The following DOP1A variants were observed in gnomAD, a reference collection of about 807,000 sequenced individuals.
The protein encoded by DOP1A is DOP1 leucine zipper like protein A, also known as protein DOP1A.
DOP1A carries 90 observed loss-of-function variants against 267.6 expected under a neutral mutation model. The ratio of observed to expected loss-of-function variants is 0.34; its 90% CI spans 0.28 to 0.40. The LOEUF is 0.40. Ranked by LOEUF, DOP1A falls within the 10% of genes least tolerant of loss-of-function variation. The pLI, the probability that DOP1A is intolerant of heterozygous loss-of-function variation, is 1.00. For synonymous variants in DOP1A, 932 were observed against 999.1 expected (o/e 0.93, Z 1.27); for missense variants, 2,437 against 2,900.4 (o/e 0.84, Z 3.67).
intron 1 of DOP1A, among the ~76,000 whole-genome samples, chr6:83,069,990 A>G (rs1388555608): frequency 1.3e-5 from 2 of 152,250 alleles, no homozygotes; most frequent in Non-Finnish European, 2.9e-5. Context: ...ACAAATTTTG[A>G]GACAGTTACT....
chr6:83,121,249 ATATT>A (rs924199604), intron 10 of DOP1A, among the ~76,000 whole-genome samples: 9 of 151,818 alleles, frequency 5.9e-5, no homozygotes, highest in Non-Finnish European at 1.3e-4. Context: ...AAAAACATAA[ATATT>A]TACAGCAATA....
rs113539316 is a variant in DOP1A, at chr6:83,067,796, C to G, written c.-147+17C>G. 2.0e-5 allele frequency: 3 copies of G among 152,438 alleles called. No individual in the cohort carries two copies. Among genetic ancestry groups the G allele is most frequent in the East Asian group, 1.9e-4 (1 of 5,168 alleles). The allele number at this position is 152,438 out of a possible 1,614,324, so 9.4% of individuals were successfully genotyped here. ...CAGCAGCAGGTAAAAGCGTCCCTGC[C>G]CCCAGTGCGGCCGCTAGGCTGGTAG... On this transcript the variant is annotated intron_variant, in intron 1 of 38. Coordinates refer to ENST00000349129, the MANE Select transcript of DOP1A (RefSeq NM_015018.4).
Position 83,138,447 on chromosome 6 carries a change from C to T in DOP1A, c.4405C>T (p.Pro1469Ser). 1 of 1,612,434 alleles carries T rather than the reference C, an allele frequency of 6.2e-7. No individual in the cohort carries two copies. The highest frequency in any genetic ancestry group is 8.5e-7 in the Non-Finnish European group (1 of 1,179,842). ...CTTATATTACATGCGTAGCCATTAC[C>T]CAACTCATGTCAAGGTTACTGCACA... ...LCLYYMRSHYPTHVKVTAQDL... is the reference protein window; with the variant it reads ...LCLYYMRSHYSTHVKVTAQDL... The change falls in exon 21 of 39, where the codon CCA (proline) becomes TCA (serine). Residue 1469 changes from proline to serine, a missense_variant. By Grantham distance (74) the Pro-to-Ser change is moderately conservative. This residue lies in a region of DOP1A where 878 missense variants were observed against 992.9 expected (regional missense o/e 0.88). Coordinates refer to ENST00000349129, the MANE Select transcript of DOP1A (RefSeq NM_015018.4).
At chr6:83,108,841 T>C in intron 4 of DOP1A, 69 bp from the exon 5 acceptor site, 2 of 1,388,640 alleles carry the variant, frequency 1.4e-6, no homozygotes, top group Non-Finnish European at 1.9e-6. Flanking sequence ...TTTATACATA[T>C]AATTGCATAT....
chr6:83,090,846 CTTCTT>C (rs1398261339), intron 1 of DOP1A, among the ~76,000 whole-genome samples: 1 of 152,142 alleles, frequency 6.6e-6, no homozygotes, highest in African/African-American at 2.4e-5. Context: ...TATCTTTACA[CTTCTT>C]TTCTGATATA....
chr6:83,115,003 A>G (rs554764536), intron 7 of DOP1A, among the ~76,000 whole-genome samples: 2 of 152,284 alleles, frequency 1.3e-5, no homozygotes, highest in South Asian at 4.1e-4. Flanking sequence ...TATGTCTTAC[A>G]TATAATAGAA....
At position 83,129,144 on chromosome 6, in the gene DOP1A, G is replaced by A. The variant is rs758190544; in HGVS notation, c.1977G>A (p.Gln659=). The change falls in exon 16 of 39, where the codon CAG becomes CAA. Residue 659 remains glutamine, a synonymous_variant. Transcript: ENST00000349129. ...TIIQTPSVVT[Q]GTATRSRKTA... ...TCCAGACCCCTTCCGTAGTCACTCA[G>A]GGGACAGCAACCCGAAGTAGGAAGA... The A allele has an allele frequency of 1.2e-6, 2 of 1,613,450 alleles. No individual in the cohort carries two copies. The highest frequency in any genetic ancestry group is 1.7e-6 in the Non-Finnish European group (2 of 1,179,696).
At position 83,164,874 on chromosome 6, in the gene DOP1A, T is replaced by C. The variant is rs532751872; in HGVS notation, c.7092+1955T>C. ...CTGGTGAAGTCAAAGGAGAAATCATTTGTATGGAAACATTTGACTTTATTT... is the reference window on the plus strand; with the variant it reads ...CTGGTGAAGTCAAAGGAGAAATCATCTGTATGGAAACATTTGACTTTATTT... On this transcript the variant is annotated intron_variant, in intron 38 of 38. Coordinates refer to ENST00000349129, the MANE Select transcript of DOP1A (RefSeq NM_015018.4). 134 of 606,644 alleles carry C rather than the reference T, an allele frequency of 2.2e-4. 1 individual carries two copies. In the African/African-American group the frequency reaches 2.4e-3, roughly 11 times the overall value. The allele number at this position is 606,644 out of a possible 1,614,324, so 37.6% of individuals were successfully genotyped here. A position where few individuals can be genotyped will look rare whatever the true frequency, so the allele number is the denominator to read the frequency against.
chr6:83,084,290 C>G (rs1157574156), intron 1 of DOP1A, among the ~76,000 whole-genome samples: 1 of 152,102 alleles, frequency 6.6e-6, no homozygotes, highest in African/African-American at 2.4e-5. Flanking sequence ...ACATGCTGTA[C>G]AGGTTTGCAG....
Position 83,078,312 on chromosome 6 carries a change from G to C in DOP1A, c.-147+10533G>C, listed in dbSNP as rs140577073. Among the ~76,000 whole-genome samples, 949 of 152,316 alleles carry C rather than the reference G, an allele frequency of 6.2e-3. 10 individuals are homozygous for C. The highest frequency in any genetic ancestry group is 0.022 in the African/African-American group (900 of 41,562). On this transcript the variant is annotated intron_variant, in intron 1 of 38. Coordinates refer to ENST00000349129, the MANE Select transcript of DOP1A (RefSeq NM_015018.4). ...AATAAGAGCACTTCTTATACGCTAA[G>C]TTAACACTGAGCTAAAGAGCTTTCC...
At chr6:83,162,194 G>A (rs1784392295) in intron 37 of DOP1A, among the ~76,000 whole-genome samples, 1 of 152,024 alleles carries the variant, frequency 6.6e-6, no homozygotes, top group Non-Finnish European at 1.5e-5. Context: ...AGGGGAGACT[G>A]CCTTTCTTTG....
intron 15 of DOP1A, among the ~76,000 whole-genome samples, chr6:83,126,289 G>C (rs973283142): frequency 2.6e-5 from 4 of 151,904 alleles, no homozygotes; most frequent in African/African-American, 7.3e-5. Flanking sequence ...GGATCAATCA[G>C]AGGAAAGCAT....
chr6:83,144,575 A>C (rs1302655187), intron 24 of DOP1A, among the ~76,000 whole-genome samples: 1 of 152,202 alleles, frequency 6.6e-6, no homozygotes, highest in Non-Finnish European at 1.5e-5. Context: ...GCAACCAAAA[A>C]TAATCATGTG....
chr6:83,138,336 G>C lies in DOP1A; in HGVS notation c.4294G>C (p.Gly1432Arg). Residue 1432 changes from glycine to arginine, a missense_variant, in exon 21 of 39, where the codon GGC becomes CGC. Transcript: ENST00000349129. ...LLARHRISVM[G>R]KDFYSHIPVD... is the part of the protein sequence containing the mutation. ...GGCCAGACACCGGATTTCTGTTATG[G>C]GCAAAGATTTTTATAGTCACATTCC... 2 of 1,611,700 alleles carry C rather than the reference G, an allele frequency of 1.2e-6. No individual in the cohort carries two copies. Among genetic ancestry groups the C allele is most frequent in the Non-Finnish European group, 1.7e-6 (2 of 1,179,912 alleles).
intron 6 of DOP1A, among the ~76,000 whole-genome samples, chr6:83,111,003 CT>C (rs34178081): frequency 2.0e-5 from 3 of 151,692 alleles, no homozygotes; most frequent in African/African-American, 4.8e-5. Flanking sequence ...TCCTCTATGC[CT>C]TTTTTTTAGT....
At chr6:83,089,902 CATCAA>C (rs1770021664) in intron 1 of DOP1A, among the ~76,000 whole-genome samples, 1 of 152,122 alleles carries the variant, frequency 6.6e-6, no homozygotes, top group Non-Finnish European at 1.5e-5. Context: ...AGTCAGAACT[CATCAA>C]ATATGTGTAT....
chr6:83,169,037 A>G, downstream of DOP1A: 1 of 1,370,598 alleles, frequency 7.3e-7, no homozygotes, highest in Non-Finnish European at 9.4e-7. Flanking sequence ...TTAGAGGTAA[A>G]TTTCTTTAAC....
rs552674994 is a variant in DOP1A at position 83,140,006 on chromosome 6, G to C, written c.5127G>C (p.Leu1709=). The C allele has an allele frequency of 1.2e-5, 19 of 1,611,594 alleles. No individual in the cohort carries two copies. The highest frequency in any genetic ancestry group is 1.4e-5 in the Non-Finnish European group (17 of 1,178,208). Residue 1709 remains leucine, a synonymous_variant, in exon 22 of 39, where the codon CTG becomes CTC. Transcript: ENST00000349129. ...TGAATGCATTTTACTTCAGGCCTCTGTGGATGGCATCAATTATTCCACCAG... is the reference window on the plus strand; with the variant it reads ...TGAATGCATTTTACTTCAGGCCTCTCTGGATGGCATCAATTATTCCACCAG... ...YETGLSDSRP[L]WMASIIPPDM...
chr6:83,113,511 G>T, intron 7 of DOP1A, 90 bp downstream of exon 7: 1 of 1,016,628 alleles, frequency 9.8e-7, no homozygotes, highest in South Asian at 1.4e-5. Context: ...CATGTGTGTT[G>T]AATTCTTCTT....
Sources: gnomAD v4.1 joint callset for allele counts (sites outside exome capture counted in the v4.1 genomes callset) on GRCh38, gnomAD v4.1.1 for gene constraint, gnomAD v4.1.1 regional missense constraint, MANE v1.5 for transcripts, NCBI Gene and HGNC (gene_info 2026-07-23, HGNC 2026-07-21) for gene names.